Variants in ZFP64 observed in about 807,000 individuals in gnomAD.
ZFP64 encodes the protein zinc finger protein 64.
Under a neutral mutation model 51.6 loss-of-function variants are expected in ZFP64, and 14 were observed. That is an observed-to-expected ratio of 0.27 (90% CI 0.18 to 0.42). ZFP64 has a LOEUF of 0.42. Among genes scored for constraint, ZFP64 ranks in the 10% least tolerant of loss-of-function variants. ZFP64 has a pLI of 1.00. For missense variants in ZFP64, 754 were observed against 906.8 expected (o/e 0.83, Z 2.16); for synonymous variants, 375 against 361.4 (o/e 1.04, Z -0.43).
At chr20:52,097,305 C>A (rs377561964) in intron 7 of ZFP64, 30 of 1,535,016 alleles carry the variant, frequency 2.0e-5, no homozygotes, top group Non-Finnish European at 2.7e-5. Flanking sequence ...ATTACTGTGT[C>A]CCTAGCGCTT....
rs571923485 is a variant in ZFP64 at position 52,175,941 on chromosome 20, G to A, written c.287-9916C>T. 33 of 984,550 alleles carry A rather than the reference G, an allele frequency of 3.4e-5. No individual in the cohort carries two copies. In the East Asian group the frequency reaches 2.9e-3, roughly 85 times the overall value. 61.0% of individuals were successfully genotyped at this position (984,550 alleles called of 1,614,324 possible). ...CTTTCACTTACGCTGTTCCCAAACG[G>A]CCTTTACCGTCCACAGTGGGCGTTA... On this transcript the variant is annotated intron_variant, in intron 2 of 5. Transcript: ENST00000216923.
chr20:52,171,583 G>T (rs369843576), intron 2 of ZFP64, among the ~76,000 whole-genome samples: 1 of 151,898 alleles, frequency 6.6e-6, no homozygotes, highest in South Asian at 2.1e-4. Context: ...TCCGCCTCCC[G>T]GGTTCAAGTG....
intron 5 of ZFP64, among the ~76,000 whole-genome samples, chr20:52,122,379 G>A (rs992311414): frequency 2.0e-5 from 3 of 151,974 alleles, no homozygotes; most frequent in South Asian, 2.1e-4. Flanking sequence ...GGTGGCCGGC[G>A]CCTGTAGTCC....
At chr20:52,181,998 G>A (rs1019396726) in intron 2 of ZFP64, among the ~76,000 whole-genome samples, 5 of 152,200 alleles carry the variant, frequency 3.3e-5, no homozygotes, top group Non-Finnish European at 7.4e-5. Flanking sequence ...GCAAGCTGCA[G>A]ATCTCACCAT....
In ZFP64 at chr20:52,153,091, G is replaced by A. The variant is rs1908096532; in HGVS notation, c.1101C>T (p.Thr367=). The A allele has an allele frequency of 1.9e-6, 3 of 1,614,186 alleles. No homozygotes were observed. The highest frequency in any genetic ancestry group is 1.1e-5 in the South Asian group (1 of 91,088). The change falls in exon 6 of 6, where the codon ACC becomes ACT. Residue 367 remains threonine (T), a synonymous_variant. Transcript: ENST00000216923. This position sits in a 1 kb window ranked among gnomAD's most constrained non-coding sequence, Gnocchi z 5.1. ...ALRIHERIHC[T]DRPFKCNYCS... is the part of the protein sequence containing the mutation. Reference sequence around the variant, plus strand: ...AGTAGTTGCACTTGAAAGGGCGGTCGGTGCAGTGGATACGCTCGTGGATGC... The same window carrying A: ...AGTAGTTGCACTTGAAAGGGCGGTCAGTGCAGTGGATACGCTCGTGGATGC...
intron 2 of ZFP64, among the ~76,000 whole-genome samples, chr20:52,174,805 G>A (rs527887290): frequency 5.9e-5 from 9 of 152,116 alleles, no homozygotes; most frequent in African/African-American, 2.2e-4. Context: ...GGTTAAAATG[G>A]TACAGATGTT....
intron 5 of ZFP64, among the ~76,000 whole-genome samples, chr20:52,158,839 T>A (rs1981539850): frequency 6.6e-6 from 1 of 152,216 alleles, no homozygotes; most frequent in South Asian, 2.1e-4. Flanking sequence ...ATGAAACATG[T>A]GACTTGCTTT....
chr20:52,115,001 T>C (rs192848890), intron 5 of ZFP64, among the ~76,000 whole-genome samples: 250 of 151,972 alleles, frequency 1.6e-3, no homozygotes, highest in African/African-American at 5.9e-3. Flanking sequence ...ATCAAGACCA[T>C]CCTGGCTAAC....
intron 2 of ZFP64, among the ~76,000 whole-genome samples, chr20:52,170,040 C>G (rs947511807): frequency 2.0e-5 from 3 of 150,458 alleles, no homozygotes; most frequent in African/African-American, 7.4e-5. Context: ...GCAACAAGAG[C>G]AAAATTCCGT....
At chr20:52,188,506 A>T (rs1052399128) in intron 1 of ZFP64, among the ~76,000 whole-genome samples, 1 of 150,106 alleles carries the variant, frequency 6.7e-6, no homozygotes, top group Non-Finnish European at 1.5e-5. Context: ...AGTAGAGATG[A>T]GGTCTCACCT....
At chr20:52,106,478 C>A (rs1372417790) in intron 5 of ZFP64, among the ~76,000 whole-genome samples, 1 of 152,034 alleles carries the variant, frequency 6.6e-6, no homozygotes, top group Non-Finnish European at 1.5e-5. Context: ...TTAACAGCGC[C>A]GCGTATGAGT....
chr20:52,118,294 G>A (rs1041898314), intron 5 of ZFP64, among the ~76,000 whole-genome samples: 1 of 148,798 alleles, frequency 6.7e-6, no homozygotes, highest in Non-Finnish European at 1.5e-5. Flanking sequence ...GCAACAACAT[G>A]GATCCAAGTC....
chr20:52,166,595 T>C (rs1279998550), intron 2 of ZFP64, among the ~76,000 whole-genome samples: 3 of 151,936 alleles, frequency 2.0e-5, no homozygotes, highest in Non-Finnish European at 2.9e-5. Flanking sequence ...GCTGGGACTA[T>C]AGGCATGCAC....
At chr20:52,101,602 T>A (rs532355769) in intron 5 of ZFP64, among the ~76,000 whole-genome samples, 110 of 152,178 alleles carry the variant, frequency 7.2e-4, no homozygotes, top group Middle Eastern at 6.8e-3. Context: ...GAGACAGGGT[T>A]TTGCCATGTT....
chr20:52,105,141 C>T, intron 5 of ZFP64: 1 of 1,434,090 alleles, frequency 7.0e-7, no homozygotes, highest in Non-Finnish European at 9.0e-7. Context: ...CCCGGCTCCC[C>T]CGCCACCTGC....
intron 5 of ZFP64, among the ~76,000 whole-genome samples, chr20:52,143,859 CTT>C (rs1395088827): frequency 7.0e-6 from 1 of 142,806 alleles, no homozygotes; most frequent in African/African-American, 2.5e-5. Context: ...CATTTTATAA[CTT>C]TGCAAGTTAC....
In ZFP64 at chr20:52,188,308, C is replaced by CTTT. The variant is rs1164512289; in HGVS notation, c.47-1240_47-1238dup. Among the ~76,000 whole-genome samples, 336 of 104,226 alleles carry CTTT rather than the reference C, an allele frequency of 3.2e-3. 1 individual carries two copies. The highest frequency in any genetic ancestry group is 5.1e-3 in the Non-Finnish European group (256 of 50,118). The allele number at this position is 104,226 out of a possible 152,430, so 68.4% of individuals were successfully genotyped here. A position where few individuals can be genotyped will look rare whatever the true frequency, so the allele number is the denominator to read the frequency against. ...GCAGGGACATTATTTCTTTTTCTTTCTTTTTTTTTTTTTTTTTTTTTTTTG... is the reference window on the plus strand; with the variant it reads ...GCAGGGACATTATTTCTTTTTCTTTCTTTTTTTTTTTTTTTTTTTTTTTTTTTG... On this transcript the variant is annotated intron_variant, in intron 1 of 5. Coordinates refer to ENST00000216923, the MANE Select transcript of ZFP64 (RefSeq NM_018197.3).
intron 8 of ZFP64, among the ~76,000 whole-genome samples, chr20:52,086,516 C>T (rs6013384): frequency 0.26 from 39,524 of 149,380 alleles, 6,268 homozygotes; most frequent in African/African-American, 0.45. Context: ...CTCACTCTGT[C>T]GCCCAGGCTG....
At chr20:52,135,836 C>T (rs1051585934) in intron 5 of ZFP64, among the ~76,000 whole-genome samples, 1 of 151,894 alleles carries the variant, frequency 6.6e-6, no homozygotes, top group African/African-American at 2.4e-5. Context: ...CGGTGGCTCA[C>T]GCCTGTAATG....
Sources: gnomAD v4.1 joint callset for allele counts (sites outside exome capture counted in the v4.1 genomes callset) on GRCh38, gnomAD v4.1.1 for gene constraint, Gnocchi (gnomAD v3.1) non-coding constraint, MANE v1.5 for transcripts, NCBI Gene and HGNC (gene_info 2026-07-23, HGNC 2026-07-21) for gene names.